The following CMTM3 variants were observed in gnomAD, a reference collection of about 807,000 sequenced individuals.
The protein encoded by CMTM3 is CKLF like MARVEL transmembrane domain containing 3, also known as CKLF-like MARVEL transmembrane domain-containing protein 3.
A neutral mutation model predicts 18.2 loss-of-function variants in CMTM3; 7 were observed. The ratio of observed to expected loss-of-function variants is 0.38; its 90% CI spans 0.22 to 0.72. The LOEUF (loss-of-function observed/expected upper bound fraction) is 0.72, where lower values mean the gene tolerates loss of function less well. Ranked by LOEUF, CMTM3 falls within the 30% of genes least tolerant of loss-of-function variation. The pLI is 0.46. For synonymous variants in CMTM3, 109 were observed against 111.2 expected, an observed-to-expected ratio of 0.98 and a Z score of 0.12; for missense variants, 227 against 249.2, an observed-to-expected ratio of 0.91 and a Z score of 0.60.
In CMTM3 at chr16:66,610,099, C is replaced by T; in HGVS notation, c.520+96C>T. The T allele has an allele frequency of 6.8e-7, 1 of 1,474,828 alleles. No individual in the cohort carries two copies. The highest frequency in any genetic ancestry group is 9.3e-7 in the Non-Finnish European group (1 of 1,072,068). 91.4% of individuals were successfully genotyped at this position (1,474,828 alleles called of 1,614,324 possible). On this transcript the variant is annotated intron_variant, in intron 4 of 4. Coordinates refer to ENST00000567572, the MANE Select transcript of CMTM3 (RefSeq NM_181553.4). This position sits in a 1 kb window ranked among gnomAD's most constrained non-coding sequence, Gnocchi z 4.6. ...GTTTGAGGCTGGGGTGGGATCATTTCCTCTCTCCCCATGGCAGGAAGTGTT... is the reference window on the plus strand; with the variant it reads ...GTTTGAGGCTGGGGTGGGATCATTTTCTCTCTCCCCATGGCAGGAAGTGTT...
Position 66,609,692 on chromosome 16 carries a change from C to T in CMTM3, c.399+162C>T, listed in dbSNP as rs564292546. On this transcript the variant is annotated intron_variant, in intron 3 of 4. Transcript: ENST00000567572. This position sits in a 1 kb window ranked among gnomAD's most constrained non-coding sequence, Gnocchi z 4.4. ...CCTCTCATTAAAGACTGACTCTACC[C>T]GGGGTTTTGAAAGGCTGTTTGTCAA... 3.3e-5 allele frequency: 51 copies of T among 1,543,246 alleles called. No homozygotes were observed. Among genetic ancestry groups the T allele is most frequent in the African/African-American group, 3.0e-4 (22 of 73,136 alleles).
At chr16:66,607,572 T>G (rs2015203795) in intron 1 of CMTM3, among the ~76,000 whole-genome samples, 1 of 152,218 alleles carries the variant, frequency 6.6e-6, no homozygotes, top group Admixed American at 6.5e-5. Flanking sequence ...CGCATATCAT[T>G]AAGGTTCAAG....
chr16:66,612,686 T>C lies in CMTM3; in HGVS notation c.*49T>C, dbSNP rs771840508. Reference sequence around the variant, plus strand: ...CCTGAGCCACACAGGCCTCCACCCCTGCGCCTCACAGGGGTCGCTGGCGTT... The same window carrying C: ...CCTGAGCCACACAGGCCTCCACCCCCGCGCCTCACAGGGGTCGCTGGCGTT... On this transcript the variant is annotated 3_prime_UTR_variant, in exon 5 of 5. Transcript: ENST00000567572. The surrounding 1 kb of genome is among the most constrained non-coding windows in gnomAD (Gnocchi z 6.0). 1 of 1,595,354 alleles carries C rather than the reference T, an allele frequency of 6.3e-7. No homozygotes were observed. Among genetic ancestry groups the C allele is most frequent in the Non-Finnish European group, 8.6e-7 (1 of 1,164,238 alleles).
chr16:66,613,206 C>T lies in CMTM3; in HGVS notation c.*569C>T. 1.4e-6 allele frequency: 1 copy of T among 693,608 alleles called. No homozygotes were observed. The highest frequency in any genetic ancestry group is 2.6e-6 in the Non-Finnish European group (1 of 379,096). The allele number at this position is 693,608 out of a possible 1,614,324, so 43.0% of individuals were successfully genotyped here. Reference sequence around the variant, plus strand: ...GGAGAAATTGACCTTTGCCTTGTCGCCCAGGAAGTGGGGCTCGGCACCCAT... The same window carrying T: ...GGAGAAATTGACCTTTGCCTTGTCGTCCAGGAAGTGGGGCTCGGCACCCAT... On this transcript the variant is annotated 3_prime_UTR_variant, in exon 5 of 5. Coordinates refer to ENST00000567572, the MANE Select transcript of CMTM3 (RefSeq NM_181553.4).
rs1362337876 is a variant in CMTM3 at position 66,609,579 on chromosome 16, C to G, written c.399+49C>G. 6 of 1,543,614 alleles carry G rather than the reference C, an allele frequency of 3.9e-6. No individual in the cohort carries two copies. Among genetic ancestry groups the G allele is most frequent in the Non-Finnish European group, 4.4e-6 (5 of 1,138,220 alleles). The stretch of plus-strand genomic sequence containing the variant: ...GGAAACTGCAGATGCCCCTCTAGCC[C>G]CTCATTTAGGGTGGGACCTGGGGCA... On this transcript the variant is annotated intron_variant, in intron 3 of 4. Coordinates refer to ENST00000567572, the MANE Select transcript of CMTM3 (RefSeq NM_181553.4). The surrounding 1 kb of genome is among the most constrained non-coding windows in gnomAD (Gnocchi z 4.4).
intron 4 of CMTM3, among the ~76,000 whole-genome samples, chr16:66,611,598 C>T (rs367551002): frequency 6.6e-6 from 1 of 152,058 alleles, no homozygotes; most frequent in Non-Finnish European, 1.5e-5. Flanking sequence ...CTCATGGGGA[C>T]TGACTGGGGT....
Position 66,604,934 on chromosome 16 carries a change from C to A in CMTM3, c.129C>A (p.Arg43=). ...CTTTCCTCTGCTCTCTCAAAGGCCG[C>A]CTCCTGCTGGCCGAGTCGGTGAGTG... ...ARAFLCSLKG[R]LLLAESGLSF... The change falls in exon 1 of 5, where the codon CGC becomes CGA. Residue 43 remains arginine (R), a synonymous_variant. Transcript: ENST00000567572. 6.7e-7 allele frequency: 1 copy of A among 1,501,652 alleles called. No individual in the cohort carries two copies. The highest frequency in any genetic ancestry group is 8.8e-7 in the Non-Finnish European group (1 of 1,135,804). 93.0% of individuals were successfully genotyped at this position (1,501,652 alleles called of 1,614,324 possible).
In CMTM3 at chr16:66,609,277, G is replaced by T; in HGVS notation, c.304-158G>T. On this transcript the variant is annotated intron_variant, in intron 2 of 4. Transcript: ENST00000567572. The surrounding 1 kb of genome is among the most constrained non-coding windows in gnomAD (Gnocchi z 4.4). ...TGGCAAGGCAGCAGAGGCACCTCGG[G>T]GGTGGGACAAGGGCCTAGGCATGTG... The T allele has an allele frequency of 1.6e-6, 1 of 628,424 alleles. No individual in the cohort carries two copies. The highest frequency in any genetic ancestry group is 2.8e-5 in the Admixed American group (1 of 35,118). 38.9% of individuals were successfully genotyped at this position (628,424 alleles called of 1,614,324 possible).
At chr16:66,604,248 C>G (rs1458503889), upstream of CMTM3, 1 of 151,472 alleles carries the variant, frequency 6.6e-6, no homozygotes, top group East Asian at 2.0e-4. Context: ...GAACAGCCAA[C>G]AAAGAGGCCC....
rs1025960721 is a variant in CMTM3 at position 66,604,784 on chromosome 16, C to G, written c.-22C>G. ...AGAAGAGGGGAGCCAGGCCGAGCCCCGGCCCTACCGCCGCCGCCGCCATGT... is the reference window on the plus strand; with the variant it reads ...AGAAGAGGGGAGCCAGGCCGAGCCCGGGCCCTACCGCCGCCGCCGCCATGT... On this transcript the variant is annotated 5_prime_UTR_variant, in exon 1 of 5. Transcript: ENST00000567572. The G allele has an allele frequency of 2.4e-6, 3 of 1,242,892 alleles. No individual in the cohort carries two copies. Among genetic ancestry groups the G allele is most frequent in the Non-Finnish European group, 3.0e-6 (3 of 996,962 alleles). The allele number at this position is 1,242,892 out of a possible 1,614,324, so 77.0% of individuals were successfully genotyped here.
chr16:66,604,641 G>T, upstream of CMTM3: 1 of 485,486 alleles, frequency 2.1e-6, no homozygotes, highest in Non-Finnish European at 3.1e-6. Context: ...GGAGGGGCGG[G>T]CTGGAGGAGC....
chr16:66,605,093 C>G lies in CMTM3; in HGVS notation c.147+141C>G. 1 of 844,926 alleles carries G rather than the reference C, an allele frequency of 1.2e-6. No homozygotes were observed. The highest frequency in any genetic ancestry group is 4.1e-4 in the Middle Eastern group (1 of 2,442). The allele number at this position is 844,926 out of a possible 1,614,324, so 52.3% of individuals were successfully genotyped here. Reference sequence around the variant, plus strand: ...CCGCGCCGCCTCGGCCGACTTCTCTCGGGCGCCTGGCGAAGTTGGGTCGAG... The same window carrying G: ...CCGCGCCGCCTCGGCCGACTTCTCTGGGGCGCCTGGCGAAGTTGGGTCGAG... On this transcript the variant is annotated intron_variant, in intron 1 of 4. Coordinates refer to ENST00000567572, the MANE Select transcript of CMTM3 (RefSeq NM_181553.4). This position sits in a 1 kb window ranked among gnomAD's most constrained non-coding sequence, Gnocchi z 4.6.
Position 66,604,899 on chromosome 16 carries a change from C to G in CMTM3, c.94C>G (p.Pro32Ala). 1 of 1,453,166 alleles carries G rather than the reference C, an allele frequency of 6.9e-7. No individual in the cohort carries two copies. The highest frequency in any genetic ancestry group is 9.0e-7 in the Non-Finnish European group (1 of 1,108,758). 90.0% of individuals were successfully genotyped at this position (1,453,166 alleles called of 1,614,324 possible). Reference protein sequence around the residue: ...PAVPGLRALLPARAFLCSLKG... With the variant: ...PAVPGLRALLAARAFLCSLKG... ...GGTCCCCGGGCTCCGCGCCCTGCTG[C>G]CGGCGCGGGCTTTCCTCTGCTCTCT... Residue 32 changes from proline to alanine, a missense_variant, in exon 1 of 5, where the codon CCG becomes GCG. By Grantham distance (27) the Pro-to-Ala change is conservative (BLOSUM62 -1). Coordinates refer to ENST00000567572, the MANE Select transcript of CMTM3 (RefSeq NM_181553.4).
rs558232759 is a variant in CMTM3, at chr16:66,610,248, C to T, written c.520+245C>T. Among the ~76,000 whole-genome samples the T allele has an allele frequency of 6.8e-4, 103 of 152,250 alleles. No homozygotes were observed. Among genetic ancestry groups the T allele is most frequent in the South Asian group, 3.3e-3 (16 of 4,824 alleles). ...CAGTGGGCATGGCTGAGCCTCAGGC[C>T]AGGCCGGCAAGTCTCCCTGGACGAC... On this transcript the variant is annotated intron_variant, in intron 4 of 4. Transcript: ENST00000567572. This position sits in a 1 kb window ranked among gnomAD's most constrained non-coding sequence, Gnocchi z 4.6.
At chr16:66,607,504 C>A (rs772017001) in intron 1 of CMTM3, among the ~76,000 whole-genome samples, 4 of 152,226 alleles carry the variant, frequency 2.6e-5, no homozygotes, top group Non-Finnish European at 5.9e-5. Context: ...GGCATTTTAT[C>A]TTTTAACACA....
rs1204783216 is a variant in CMTM3, at chr16:66,610,889, C to G, written c.520+886C>G. On this transcript the variant is annotated intron_variant, in intron 4 of 4. Coordinates refer to ENST00000567572, the MANE Select transcript of CMTM3 (RefSeq NM_181553.4). The surrounding 1 kb of genome is among the most constrained non-coding windows in gnomAD (Gnocchi z 4.6). ...CATGGGGATTTGTGAATCCCAGAAA[C>G]CGTCCTTCTGCTGAAAATGAATGCC... 1 of 398,522 alleles carries G rather than the reference C, an allele frequency of 2.5e-6. No individual in the cohort carries two copies. The highest frequency in any genetic ancestry group is 3.6e-5 in the East Asian group (1 of 28,078). The allele number at this position is 398,522 out of a possible 1,614,324, so 24.7% of individuals were successfully genotyped here.
chr16:66,611,000 C>T lies in CMTM3; in HGVS notation c.520+997C>T, dbSNP rs920257486. The T allele has an allele frequency of 6.3e-5, 25 of 397,944 alleles. No individual in the cohort carries two copies. The highest frequency in any genetic ancestry group is 3.3e-4 in the African/African-American group (16 of 48,724). The allele number at this position is 397,944 out of a possible 1,614,324, so 24.7% of individuals were successfully genotyped here. ...GCTCTGCAACCTGCTCCCAGTTGCCCGCAGCAAGTGATCCCAGACAACCAG... is the reference window on the plus strand; with the variant it reads ...GCTCTGCAACCTGCTCCCAGTTGCCTGCAGCAAGTGATCCCAGACAACCAG... On this transcript the variant is annotated intron_variant, in intron 4 of 4. Transcript: ENST00000567572. The surrounding 1 kb of genome is among the most constrained non-coding windows in gnomAD (Gnocchi z 4.6).
At position 66,610,172 on chromosome 16, in the gene CMTM3, A is replaced by G. The variant is rs1322752343; in HGVS notation, c.520+169A>G. On this transcript the variant is annotated intron_variant, in intron 4 of 4. Coordinates refer to ENST00000567572, the MANE Select transcript of CMTM3 (RefSeq NM_181553.4). The surrounding 1 kb of genome is among the most constrained non-coding windows in gnomAD (Gnocchi z 4.6). ...CCTCATGCAGCACTGATCCAAAGCC[A>G]GTCCCATTCGCCTCGTGCACCCTCA... is the stretch of plus-strand genomic sequence containing the variant. The G allele has an allele frequency of 2.1e-5, 17 of 825,716 alleles. No homozygotes were observed. Among genetic ancestry groups the G allele is most frequent in the Non-Finnish European group, 1.3e-5 (7 of 534,632 alleles). 51.1% of individuals were successfully genotyped at this position (825,716 alleles called of 1,614,324 possible).
Position 66,605,760 on chromosome 16 carries a change from G to A in CMTM3, c.147+808G>A, listed in dbSNP as rs2015127163. Among the ~76,000 whole-genome samples, 2 of 152,228 alleles carry A rather than the reference G, an allele frequency of 1.3e-5. No homozygotes were observed. The highest frequency in any genetic ancestry group is 2.9e-5 in the Non-Finnish European group (2 of 68,038). On this transcript the variant is annotated intron_variant, in intron 1 of 4. Transcript: ENST00000567572. This position sits in a 1 kb window ranked among gnomAD's most constrained non-coding sequence, Gnocchi z 4.6. ...GCCTGATTTGACAGGTGGCTCAACT[G>A]AGGGGCCCAGTGAGAGCGGCCAGGA...
Sources: gnomAD v4.1 joint callset for allele counts (sites outside exome capture counted in the v4.1 genomes callset) on GRCh38, gnomAD v4.1.1 for gene constraint, Gnocchi (gnomAD v3.1) non-coding constraint, MANE v1.5 for transcripts, NCBI Gene and HGNC (gene_info 2026-07-23, HGNC 2026-07-21) for gene names.